The following RNF115 variants were observed in gnomAD, a reference collection of about 807,000 sequenced individuals.
The protein encoded by RNF115 is ring finger protein 115, also known as E3 ubiquitin-protein ligase RNF115.
RNF115 carries 31 observed loss-of-function variants against 39.2 expected under a neutral mutation model. The ratio of observed to expected loss-of-function variants is 0.79; its 90% CI spans 0.59 to 1.07. The LOEUF (loss-of-function observed/expected upper bound fraction) is 1.07, where lower values mean the gene tolerates loss of function less well. RNF115 is among the 50% of genes least tolerant of loss of function. The pLI is 0.00. For missense variants in RNF115, 384 were observed against 381.7 expected, an observed-to-expected ratio of 1.01 and a Z score of -0.05; for synonymous variants, 124 against 131.0, an observed-to-expected ratio of 0.95 and a Z score of 0.37.
intron 4 of RNF115, among the ~76,000 whole-genome samples, chr1:145,760,235 A>G (rs1553713671): frequency 1.3e-5 from 2 of 152,210 alleles, no homozygotes; most frequent in African/African-American, 2.4e-5. Flanking sequence ...CCTGGACAAC[A>G]TAAGGAGACC....
intron 2 of RNF115, among the ~76,000 whole-genome samples, chr1:145,785,087 CT>C (rs1648319980): frequency 6.6e-6 from 1 of 152,114 alleles, no homozygotes; most frequent in South Asian, 2.1e-4. Flanking sequence ...ATTTCTCCCC[CT>C]ACCCACCTTT....
At chr1:145,804,235 C>A (rs144923465) in intron 1 of RNF115, among the ~76,000 whole-genome samples, 2 of 152,236 alleles carry the variant, frequency 1.3e-5, no homozygotes, top group East Asian at 3.9e-4. Context: ...CTAAAATCAC[C>A]TACAAAGTAT....
intron 3 of RNF115, among the ~76,000 whole-genome samples, chr1:145,775,057 G>C (rs1647818065): frequency 1.3e-5 from 2 of 152,048 alleles, no homozygotes; most frequent in Admixed American, 6.6e-5. Context: ...GACCAGTCTG[G>C]GCAACAGAGT....
chr1:145,746,604 C>A lies in RNF115; in HGVS notation c.*262G>T. ...CTTTAAGGAATTAATTCTATTCAGA[C>A]GGGGGGAGCCCTACATAATTAAGTT... On this transcript the variant is annotated 3_prime_UTR_variant, in exon 9 of 9. Coordinates refer to ENST00000582693, the MANE Select transcript of RNF115 (RefSeq NM_014455.4). The A allele has an allele frequency of 2.7e-6, 1 of 374,880 alleles. No homozygotes were observed. Among genetic ancestry groups the A allele is most frequent in the Non-Finnish European group, 4.8e-6 (1 of 206,506 alleles). The allele number at this position is 374,880 out of a possible 1,614,324, so 23.2% of individuals were successfully genotyped here. A position where few individuals can be genotyped will look rare whatever the true frequency, so the allele number is the denominator to read the frequency against.
intron 1 of RNF115, among the ~76,000 whole-genome samples, chr1:145,794,504 T>TTG (rs1360409306): frequency 4.5e-5 from 6 of 132,556 alleles, no homozygotes; most frequent in Non-Finnish European, 9.8e-5. Context: ...ATCTCTTTCT[T>TTG]TTTTTTTTTT....
intron 3 of RNF115, among the ~76,000 whole-genome samples, chr1:145,775,870 T>C (rs1647861132): frequency 6.6e-6 from 1 of 151,842 alleles, no homozygotes; most frequent in African/African-American, 2.4e-5. Context: ...TGGTGGCATA[T>C]GCCTGTAGTC....
At chr1:145,796,589 G>A (rs587687845) in intron 1 of RNF115, among the ~76,000 whole-genome samples, 5 of 152,036 alleles carry the variant, frequency 3.3e-5, no homozygotes, top group African/African-American at 7.2e-5. Flanking sequence ...GCTTCACCAT[G>A]TTGCCCAGGC....
At chr1:145,780,618 TAAAAAA>T (rs1205816224) in intron 3 of RNF115, among the ~76,000 whole-genome samples, 3 of 64,522 alleles carry the variant, frequency 4.6e-5, no homozygotes, top group Non-Finnish European at 6.3e-5. Context: ...AGACTCCGTC[TAAAAAA>T]AAAAAAAAAA....
chr1:145,767,009 A>AG (rs1647343374), intron 4 of RNF115, among the ~76,000 whole-genome samples: 1 of 110,234 alleles, frequency 9.1e-6, no homozygotes, highest in Non-Finnish European at 1.9e-5. Flanking sequence ...ACTTCCCAGT[A>AG]GGGGTGGCCG....
At chr1:145,807,304 G>A (rs587636676) in intron 1 of RNF115, among the ~76,000 whole-genome samples, 4 of 152,260 alleles carry the variant, frequency 2.6e-5, no homozygotes, top group South Asian at 2.1e-4. Flanking sequence ...GTTACAGGAC[G>A]AGATAGACCT....
chr1:145,767,081 A>T (rs1191211365), intron 4 of RNF115, among the ~76,000 whole-genome samples: 5 of 136,220 alleles, frequency 3.7e-5, no homozygotes, highest in Non-Finnish European at 7.8e-5. Flanking sequence ...TGACCCCCCC[A>T]CCTCCTTCCC....
At chr1:145,768,514 T>C (rs1553715333) in intron 4 of RNF115, among the ~76,000 whole-genome samples, 1 of 152,132 alleles carries the variant, frequency 6.6e-6, no homozygotes, top group African/African-American at 2.4e-5. Flanking sequence ...TGGGATTTCA[T>C]CATGTTGGCC....
intron 3 of RNF115, among the ~76,000 whole-genome samples, chr1:145,782,518 CGAA>C (rs1648196172): frequency 2.6e-5 from 4 of 152,170 alleles, no homozygotes; most frequent in Non-Finnish European, 2.9e-5. Flanking sequence ...CTAAAGAACA[CGAA>C]GTTACAAGCT....
intron 1 of RNF115, among the ~76,000 whole-genome samples, chr1:145,799,966 G>A (rs1305804460): frequency 6.6e-6 from 1 of 152,182 alleles, no homozygotes; most frequent in Non-Finnish European, 1.5e-5. Context: ...TTTTTATCAT[G>A]AAAGTATGCT....
chr1:145,794,012 T>A (rs587657393), intron 1 of RNF115, among the ~76,000 whole-genome samples: 41 of 152,110 alleles, frequency 2.7e-4, no homozygotes, highest in African/African-American at 8.4e-4. Flanking sequence ...CCCGGCTAAT[T>A]TTTGTATTTC....
At chr1:145,780,243 A>G (rs1421586235) in intron 3 of RNF115, among the ~76,000 whole-genome samples, 5 of 151,340 alleles carry the variant, frequency 3.3e-5, no homozygotes, top group African/African-American at 1.2e-4. Context: ...AACAAACAAA[A>G]AAGAGCTTAA....
chr1:145,795,101 T>C (rs983763406), intron 1 of RNF115, among the ~76,000 whole-genome samples: 5 of 151,270 alleles, frequency 3.3e-5, no homozygotes, highest in Admixed American at 2.0e-4. Context: ...TTCATTCTGG[T>C]TGGTTCGTGG....
At chr1:145,776,609 C>A (rs929074369) in intron 3 of RNF115, among the ~76,000 whole-genome samples, 1 of 151,538 alleles carries the variant, frequency 6.6e-6, no homozygotes, top group African/African-American at 2.4e-5. Flanking sequence ...GAGGCTGAGG[C>A]GGGTGGATCA....
intron 4 of RNF115, among the ~76,000 whole-genome samples, chr1:145,766,687 T>C (rs1647300017): frequency 8.1e-6 from 1 of 123,738 alleles, no homozygotes. Context: ...CCCCCCCACC[T>C]CCCTCCCGGA....
Sources: allele counts gnomAD v4.1 joint callset (sites outside exome capture counted in the v4.1 genomes callset), GRCh38; gene constraint gnomAD v4.1.1; transcripts MANE v1.5; gene names NCBI Gene and HGNC (gene_info 2026-07-23, HGNC 2026-07-21).